The following EPN2 variants were observed in gnomAD, a reference collection of about 807,000 sequenced individuals.
EPN2 encodes epsin 2, also known as epsin-2.
Under a neutral mutation model 61.7 loss-of-function variants are expected in EPN2, and 34 were observed. That is an observed-to-expected ratio of 0.55 (90% confidence interval 0.42 to 0.73). The LOEUF (loss-of-function observed/expected upper bound fraction) is 0.73. Ranked by LOEUF, EPN2 falls within the 30% of genes least tolerant of loss-of-function variation. The pLI, the probability that EPN2 is intolerant of heterozygous loss-of-function variation, is 0.00. For missense variants in EPN2, 714 were observed against 839.2 expected, an observed-to-expected ratio of 0.85 and a Z score of 1.84; for synonymous variants, 349 against 353.6, an observed-to-expected ratio of 0.99 and a Z score of 0.15.
At chr17:19,277,524 T>C (rs965891696) in intron 1 of EPN2, among the ~76,000 whole-genome samples, 1 of 151,976 alleles carries the variant, frequency 6.6e-6, no homozygotes, top group East Asian at 1.9e-4. Flanking sequence ...AGAGAAGATG[T>C]TTAAATGTTT....
intron 10 of EPN2, among the ~76,000 whole-genome samples, chr17:19,333,357 C>T (rs1422301993): frequency 6.6e-6 from 1 of 152,182 alleles, no homozygotes; most frequent in Non-Finnish European, 1.5e-5. Context: ...ACATACAGGG[C>T]CATTCTCCAG....
chr17:19,248,885 G>T (rs1479604854), intron 1 of EPN2, among the ~76,000 whole-genome samples: 1 of 152,212 alleles, frequency 6.6e-6, no homozygotes, highest in East Asian at 1.9e-4. Flanking sequence ...ACCAGAGAAG[G>T]CTTCGAGGAA....
intron 1 of EPN2, among the ~76,000 whole-genome samples, chr17:19,259,226 A>C (rs2045113451): frequency 6.7e-6 from 1 of 150,280 alleles, no homozygotes; most frequent in African/African-American, 2.4e-5. Flanking sequence ...CCTTTTGGTG[A>C]TAGGGAAACA....
rs545341065 is a variant in EPN2 at position 19,322,126 on chromosome 17, C to T, written c.1148-6585C>T. On this transcript the variant is annotated intron_variant, in intron 7 of 10. Coordinates refer to ENST00000314728, the MANE Select transcript of EPN2 (RefSeq NM_014964.5). ...ACGATCTGCATGAGACACTGGAAGA[C>T]GAGGAGTGAAGTGTCAGAAGAAGCT... 5.3e-5 allele frequency among the ~76,000 whole-genome samples: 8 copies of T among 152,230 alleles called. No individual in the cohort carries two copies. The South Asian group carries it at 8.3e-4, about 16-fold the overall frequency.
At chr17:19,281,496 T>C (rs1291213690) in intron 1 of EPN2, among the ~76,000 whole-genome samples, 1 of 152,202 alleles carries the variant, frequency 6.6e-6, no homozygotes, top group African/African-American at 2.4e-5. Flanking sequence ...CCACCTTTTG[T>C]TTACTTGCTT....
In EPN2 at chr17:19,286,918, C is replaced by A. The variant is rs2045410497; in HGVS notation, c.766+1128C>A. ...AGGCATTGGAGTTACATGCCCATTT[C>A]ACCCCCCCAGATAGTCAGAGGCTGC... On this transcript the variant is annotated intron_variant, in intron 4 of 10. Coordinates refer to ENST00000314728, the MANE Select transcript of EPN2 (RefSeq NM_014964.5). 2.6e-5 allele frequency among the ~76,000 whole-genome samples: 4 copies of A among 152,146 alleles called. No homozygotes were observed. In the South Asian group the frequency reaches 8.3e-4, roughly 32 times the overall value.
At chr17:19,313,398 C>T in intron 7 of EPN2, 119 bp downstream of exon 7, 1 of 884,700 alleles carries the variant, frequency 1.1e-6, no homozygotes, top group Non-Finnish European at 1.6e-6. Context: ...TGTCCAGGCT[C>T]CTCCAGCCCT....
intron 1 of EPN2, among the ~76,000 whole-genome samples, chr17:19,247,186 G>A (rs2044962548): frequency 6.6e-6 from 1 of 152,214 alleles, no homozygotes; most frequent in Non-Finnish European, 1.5e-5. Context: ...TTTATGAGAA[G>A]CAGCTGGGAG....
chr17:19,310,688 G>A (rs546518292), intron 5 of EPN2, among the ~76,000 whole-genome samples: 6 of 139,508 alleles, frequency 4.3e-5, no homozygotes, highest in Non-Finnish European at 7.5e-5. Flanking sequence ...AGTGATTCTC[G>A]TGCCTCAGCG....
At position 19,328,746 on chromosome 17, in the gene EPN2, G is replaced by A; in HGVS notation, c.1183G>A (p.Val395Met). Residue 395 changes from valine to methionine, a missense_variant, in exon 8 of 11, where the codon GTG becomes ATG. By Grantham distance (21) the Val-to-Met change is conservative. Transcript: ENST00000314728. Reference protein sequence around the residue: ...KPAASIDPWGVPTGATVQSVP... With the variant: ...KPAASIDPWGMPTGATVQSVP... The stretch of plus-strand genomic sequence containing the variant: ...AGCTGCCTCCATTGACCCATGGGGG[G>A]TGCCCACTGGAGCCACCGTACAATC... The A allele has an allele frequency of 6.2e-7, 1 of 1,612,902 alleles. No homozygotes were observed. The highest frequency in any genetic ancestry group is 8.5e-7 in the Non-Finnish European group (1 of 1,179,346).
At chr17:19,258,274 A>C (rs551667914) in intron 1 of EPN2, among the ~76,000 whole-genome samples, 1 of 152,196 alleles carries the variant, frequency 6.6e-6, no homozygotes, top group African/African-American at 2.4e-5. Flanking sequence ...AGAGGCTTCC[A>C]GAATGGGGCA....
At chr17:19,254,620 C>G (rs551678896) in intron 1 of EPN2, among the ~76,000 whole-genome samples, 3 of 152,164 alleles carry the variant, frequency 2.0e-5, no homozygotes, top group Non-Finnish European at 2.9e-5. Flanking sequence ...GAGGCCTCTT[C>G]TGATTGTTTC....
chr17:19,298,048 G>T (rs1325218883), intron 4 of EPN2, among the ~76,000 whole-genome samples: 1 of 151,618 alleles, frequency 6.6e-6, no homozygotes, highest in Non-Finnish European at 1.5e-5. Flanking sequence ...GCTAATTTTT[G>T]TATTTTTAGT....
rs765632268 is a variant in EPN2 at position 19,285,650 on chromosome 17, G to A, written c.626G>A (p.Arg209His). The change falls in exon 4 of 11, where the codon CGC becomes CAC. Residue 209 changes from arginine to histidine, a missense_variant. Physicochemically the swap from Arg to His is conservative, Grantham distance 29. Coordinates refer to ENST00000314728, the MANE Select transcript of EPN2 (RefSeq NM_014964.5). This position sits in a 1 kb window ranked among gnomAD's most constrained non-coding sequence, Gnocchi z 4.5. ...GAGGCCTCGCTGTGCCCCCAGCACC[G>A]CACAGGGGCCCCGCTGGGTCAGAGT... The part of the protein sequence containing the change: ...SPEASLCPQH[R>H]TGAPLGQSEE... The A allele has an allele frequency of 1.5e-5, 23 of 1,564,778 alleles. No homozygotes were observed. Among genetic ancestry groups the A allele is most frequent in the South Asian group, 5.9e-5 (5 of 85,134 alleles).
At chr17:19,278,022 C>T (rs142015017) in intron 1 of EPN2, among the ~76,000 whole-genome samples, 2 of 142,998 alleles carry the variant, frequency 1.4e-5, no homozygotes, top group African/African-American at 5.3e-5. Context: ...TGCAGTGAGC[C>T]GAGATCACAC....
At chr17:19,295,919 T>G (rs1269747965) in intron 4 of EPN2, among the ~76,000 whole-genome samples, 1 of 152,282 alleles carries the variant, frequency 6.6e-6, no homozygotes, top group East Asian at 1.9e-4. Flanking sequence ...CCTCAACTCA[T>G]GGCCCGTAGC....
chr17:19,297,566 A>T (rs928429766), intron 4 of EPN2, among the ~76,000 whole-genome samples: 1 of 152,242 alleles, frequency 6.6e-6, no homozygotes, highest in African/African-American at 2.4e-5. Context: ...AGAGGCAGAC[A>T]TACCGACACC....
intron 6 of EPN2, 68 bp from the exon 7 acceptor site, chr17:19,313,037 G>T (rs1392059748): frequency 6.6e-7 from 1 of 1,516,444 alleles, no homozygotes; most frequent in African/African-American, 1.4e-5. Flanking sequence ...GATATTTATG[G>T]CTAGTTCATG....
At chr17:19,320,853 A>T (rs1159155704) in intron 7 of EPN2, among the ~76,000 whole-genome samples, 1 of 152,212 alleles carries the variant, frequency 6.6e-6, no homozygotes, top group Non-Finnish European at 1.5e-5. Flanking sequence ...AGATGCAGAT[A>T]AACTGCAAAG....
Sources: allele counts gnomAD v4.1 joint callset (sites outside exome capture counted in the v4.1 genomes callset), GRCh38; gene constraint gnomAD v4.1.1; non-coding constraint Gnocchi (gnomAD v3.1); transcripts MANE v1.5; gene names NCBI Gene and HGNC (gene_info 2026-07-23, HGNC 2026-07-21).